The following KAZN variants were observed in gnomAD, a reference collection of about 807,000 sequenced individuals.
KAZN encodes kazrin, periplakin interacting protein.
KAZN carries 40 observed loss-of-function variants against 87.4 expected under a neutral mutation model. The observed-to-expected ratio is 0.46, with a 90% confidence interval of 0.36 to 0.60. KAZN has a LOEUF of 0.60. Among genes scored for constraint, KAZN ranks in the 20% least tolerant of loss-of-function variants. The pLI is 0.00. For synonymous variants in KAZN, 466 were observed against 458.3 expected, an observed-to-expected ratio of 1.02 and a Z score of -0.22; for missense variants, 898 against 1,073.9, an observed-to-expected ratio of 0.84 and a Z score of 2.29.
intron 2 of KAZN, among the ~76,000 whole-genome samples, chr1:14,205,409 A>C (rs1646718787): frequency 6.6e-6 from 1 of 152,152 alleles, no homozygotes; most frequent in Non-Finnish European, 1.5e-5. Context: ...AATGTTCACT[A>C]TTGTCATGAA....
At chr1:14,261,354 T>C (rs1398205662) in intron 2 of KAZN, among the ~76,000 whole-genome samples, 1 of 152,220 alleles carries the variant, frequency 6.6e-6, no homozygotes, top group East Asian at 1.9e-4. Flanking sequence ...ATTTCAGCTC[T>C]GATCATCGCC....
intron 1 of KAZN, among the ~76,000 whole-genome samples, chr1:14,781,351 T>C (rs1030412468): frequency 1.3e-5 from 2 of 152,066 alleles, no homozygotes; most frequent in African/African-American, 4.8e-5. Context: ...AAAAAAGGCA[T>C]AAACCTCAGT....
At chr1:14,833,971 A>T (rs1436895126) in intron 1 of KAZN, among the ~76,000 whole-genome samples, 8 of 23,854 alleles carry the variant, frequency 3.4e-4, no homozygotes, top group Non-Finnish European at 6.9e-4. Context: ...CAAGTCATTC[A>T]CACACACACA....
intron 1 of KAZN, among the ~76,000 whole-genome samples, chr1:14,737,881 C>G (rs1643957744): frequency 6.6e-6 from 1 of 152,150 alleles, no homozygotes; most frequent in Non-Finnish European, 1.5e-5. Flanking sequence ...GGCCCCGGCT[C>G]TTTTAAGGAC....
chr1:14,473,032 T>A (rs993782997), intron 2 of KAZN, among the ~76,000 whole-genome samples: 1 of 152,158 alleles, frequency 6.6e-6, no homozygotes, highest in African/African-American at 2.4e-5. Context: ...TAGATGGTAA[T>A]GGAATGATCA....
At chr1:13,964,379 G>A (rs1052814560) in intron 1 of KAZN, among the ~76,000 whole-genome samples, 2 of 152,340 alleles carry the variant, frequency 1.3e-5, no homozygotes, top group Middle Eastern at 3.4e-3. Flanking sequence ...AGCTACTGCT[G>A]CGTAACAAAT....
intron 1 of KAZN, among the ~76,000 whole-genome samples, chr1:13,973,335 G>A (rs1206033628): frequency 6.6e-6 from 1 of 152,140 alleles, no homozygotes; most frequent in Non-Finnish European, 1.5e-5. Flanking sequence ...TTCCCTAGGA[G>A]GCTGACCCCT....
At chr1:15,082,762 G>A (rs1573270197) in intron 8 of KAZN, among the ~76,000 whole-genome samples, 3 of 152,276 alleles carry the variant, frequency 2.0e-5, no homozygotes, top group Admixed American at 2.0e-4. Flanking sequence ...GCATGATCTC[G>A]ACTCACTGCA....
intron 1 of KAZN, among the ~76,000 whole-genome samples, chr1:14,686,921 G>A (rs933788580): frequency 1.3e-5 from 2 of 152,176 alleles, no homozygotes; most frequent in Non-Finnish European, 2.9e-5. Context: ...AGCTATTAAC[G>A]CCCTGGGCTG....
intron 1 of KAZN, among the ~76,000 whole-genome samples, chr1:14,167,671 C>T (rs7537825): frequency 0.2 from 30,963 of 151,804 alleles, 3,529 homozygotes; most frequent in East Asian, 0.34. Flanking sequence ...TGCAGCGAGC[C>T]GAGATCATGC....
At chr1:14,973,849 C>T (rs1372351448) in intron 2 of KAZN, among the ~76,000 whole-genome samples, 1 of 152,108 alleles carries the variant, frequency 6.6e-6, no homozygotes, top group Non-Finnish European at 1.5e-5. Context: ...AAGGGTGCAC[C>T]GGTTACTACT....
chr1:14,418,442 T>G (rs951590713), intron 2 of KAZN, among the ~76,000 whole-genome samples: 3 of 152,230 alleles, frequency 2.0e-5, no homozygotes, highest in Admixed American at 2.0e-4. Flanking sequence ...TTATTATTAC[T>G]GTCAGCATGT....
intron 1 of KAZN, among the ~76,000 whole-genome samples, chr1:14,674,369 A>T (rs956315993): frequency 6.6e-6 from 1 of 152,200 alleles, no homozygotes; most frequent in African/African-American, 2.4e-5. Flanking sequence ...TCTGTTGAGG[A>T]TTTGATCAGT....
At chr1:14,613,858 G>C (rs1678006694) in intron 1 of KAZN, among the ~76,000 whole-genome samples, 2 of 152,130 alleles carry the variant, frequency 1.3e-5, no homozygotes, top group Non-Finnish European at 2.9e-5. Flanking sequence ...CCTCTGCCCT[G>C]GGACTTTGAG....
chr1:14,410,778 A>G (rs573970989), intron 2 of KAZN, among the ~76,000 whole-genome samples: 3 of 152,278 alleles, frequency 2.0e-5, no homozygotes, highest in South Asian at 4.1e-4. Flanking sequence ...TGGAGATGAG[A>G]GTGGTGTGGC....
At chr1:14,413,569 A>G (rs1664481292) in intron 2 of KAZN, among the ~76,000 whole-genome samples, 2 of 146,956 alleles carry the variant, frequency 1.4e-5, no homozygotes, top group African/African-American at 5.0e-5. Flanking sequence ...AGCCTGGGCA[A>G]CAGTGTGAAA....
intron 1 of KAZN, among the ~76,000 whole-genome samples, chr1:14,695,769 G>T (rs1024325320): frequency 2.0e-5 from 3 of 151,936 alleles, no homozygotes; most frequent in Non-Finnish European, 4.4e-5. Flanking sequence ...CTCCCAAAGT[G>T]CTGGGATTAC....
intron 1 of KAZN, among the ~76,000 whole-genome samples, chr1:14,944,220 C>A (rs1233174613): frequency 3.8e-5 from 5 of 131,816 alleles, no homozygotes; most frequent in Non-Finnish European, 7.8e-5. Context: ...CTCCCAGCTC[C>A]CCCTCCTAAA....
At chr1:14,172,608 A>G (rs1645977828) in intron 1 of KAZN, among the ~76,000 whole-genome samples, 1 of 152,240 alleles carries the variant, frequency 6.6e-6, no homozygotes, top group Non-Finnish European at 1.5e-5. Flanking sequence ...ATGGAAATCA[A>G]TACCTTATTA....
Sources: allele counts gnomAD v4.1 joint callset (sites outside exome capture counted in the v4.1 genomes callset), GRCh38; gene constraint gnomAD v4.1.1; transcripts MANE v1.5; gene names NCBI Gene and HGNC (gene_info 2026-07-23, HGNC 2026-07-21).